ATL1: variants seen among roughly 807,000 people sequenced by gnomAD.
The protein encoded by ATL1 is atlastin GTPase 1, also known as atlastin-1.
In ATL1, 31 loss-of-function variants were observed where a neutral mutation model predicts 75.5. The observed-to-expected ratio is 0.41, with a 90% CI of 0.31 to 0.55. ATL1 has a LOEUF of 0.55. Ranked by LOEUF, ATL1 falls within the 20% of genes least tolerant of loss-of-function variation. ATL1 has a pLI of 0.27. For synonymous variants in ATL1, 226 were observed against 233.3 expected (o/e 0.97, Z 0.28); for missense variants, 405 against 662.6 (o/e 0.61, Z 4.27).
chr14:50,572,171 G>A (rs2038960709), intron 1 of ATL1: 2 of 316,648 alleles, frequency 6.3e-6, no homozygotes, highest in Non-Finnish European at 1.2e-5. Context: ...ACAGATCACT[G>A]AATTTCCTTT....
At chr14:50,631,077 G>A (rs2039575314) in intron 13 of ATL1, 2 of 348,880 alleles carry the variant, frequency 5.7e-6, no homozygotes, top group African/African-American at 2.2e-5. Flanking sequence ...TGGCTAACAT[G>A]GTGAGGCCCC....
At chr14:50,553,270 C>CA (rs35423067) in intron 1 of ATL1, among the ~76,000 whole-genome samples, 28,081 of 102,910 alleles carry the variant, frequency 0.27, 3,356 homozygotes, top group Middle Eastern at 0.37. Context: ...GACTCCGTTT[C>CA]AAAAAAAAAA....
intron 6 of ATL1, among the ~76,000 whole-genome samples, chr14:50,600,073 C>T (rs574606039): frequency 7.3e-5 from 11 of 150,890 alleles, no homozygotes; most frequent in African/African-American, 2.4e-4. Flanking sequence ...TAACTTGTTA[C>T]TCAGAACCAC....
At chr14:50,558,520 A>AT (rs1212324623), upstream of ATL1, among the ~76,000 whole-genome samples, 16 of 152,314 alleles carry the variant, frequency 1.1e-4, no homozygotes, top group East Asian at 1.9e-3. Flanking sequence ...TTATTTAAGC[A>AT]TTTTTTTGTG....
At chr14:50,604,877 T>C (rs1039311854) in intron 6 of ATL1, among the ~76,000 whole-genome samples, 11 of 152,032 alleles carry the variant, frequency 7.2e-5, no homozygotes, top group Non-Finnish European at 1.5e-4. Flanking sequence ...GTGATTGTAC[T>C]GTATATGGTA....
chr14:50,589,159 T>C (rs894147266), intron 2 of ATL1, among the ~76,000 whole-genome samples: 117 of 147,242 alleles, frequency 7.9e-4, no homozygotes, highest in Non-Finnish European at 1.3e-3. Flanking sequence ...TTCTTTCTTT[T>C]TTTTTTTTTT....
chr14:50,618,826 T>C (rs934562633), intron 8 of ATL1, among the ~76,000 whole-genome samples: 2 of 151,842 alleles, frequency 1.3e-5, no homozygotes, highest in Non-Finnish European at 2.9e-5. Flanking sequence ...CTTTTTTACA[T>C]AGTATGTGTA....
intron 1 of ATL1, among the ~76,000 whole-genome samples, chr14:50,579,781 T>C (rs1205033108): frequency 6.6e-6 from 1 of 152,202 alleles, no homozygotes; most frequent in Admixed American, 6.5e-5. Context: ...TGGCTCCACA[T>C]TCAGTAAATC....
chr14:50,571,598 C>A lies in ATL1; in HGVS notation c.34+11299C>A, dbSNP rs531145189. Among the ~76,000 whole-genome samples, 210 of 152,110 alleles carry A rather than the reference C, an allele frequency of 1.4e-3. 2 individuals carry two copies. The highest frequency in any genetic ancestry group is 2.0e-3 in the Non-Finnish European group (136 of 67,982). Reference sequence around the variant, plus strand: ...TCATTCAAATAATTATATGGTTTTTCTTTTCTAGTTTGTTAATACGTTTAA... The same window carrying A: ...TCATTCAAATAATTATATGGTTTTTATTTTCTAGTTTGTTAATACGTTTAA... On this transcript the variant is annotated intron_variant, in intron 1 of 13. Transcript: ENST00000358385.
chr14:50,592,522 G>T (rs1178674943), intron 4 of ATL1, among the ~76,000 whole-genome samples: 1 of 138,906 alleles, frequency 7.2e-6, no homozygotes, highest in East Asian at 2.3e-4. Context: ...ATTAAATAAA[G>T]GACTTTAAAG....
intron 6 of ATL1, among the ~76,000 whole-genome samples, chr14:50,602,595 G>A (rs973769096): frequency 6.6e-6 from 1 of 151,794 alleles, no homozygotes; most frequent in Non-Finnish European, 1.5e-5. Flanking sequence ...CGACATGGTG[G>A]GTCTGTTTCT....
chr14:50,553,461 G>C (rs905015081), intron 1 of ATL1, among the ~76,000 whole-genome samples: 1 of 152,008 alleles, frequency 6.6e-6, no homozygotes, highest in Non-Finnish European at 1.5e-5. Context: ...ATAGATGTTG[G>C]CATGGATGTG....
chr14:50,627,891 A>G (rs761879909), intron 11 of ATL1, 140 bp from the exon 12 acceptor site: 1 of 769,446 alleles, frequency 1.3e-6, no homozygotes, highest in African/African-American at 1.7e-5. Context: ...GGGTGGAAAG[A>G]TGTGGGCTGA....
At chr14:50,541,668 G>C (rs1033108117) in intron 1 of ATL1, among the ~76,000 whole-genome samples, 1 of 152,104 alleles carries the variant, frequency 6.6e-6, no homozygotes, top group Non-Finnish European at 1.5e-5. Flanking sequence ...AAACTGTATG[G>C]AGTCTCTTGC....
In ATL1 at chr14:50,588,046, A is replaced by G; in HGVS notation, c.250A>G (p.Met84Val). 1 of 1,614,196 alleles carries G rather than the reference A, an allele frequency of 6.2e-7. No homozygotes were observed. The highest frequency in any genetic ancestry group is 1.3e-5 in the African/African-American group (1 of 75,046). The change falls in exon 2 of 14, where the codon ATG becomes GTG. Residue 84 changes from methionine (M) to valine (V), a missense_variant. Coordinates refer to ENST00000358385, the MANE Select transcript of ATL1 (RefSeq NM_015915.5). ...GAFRKGKSFL[M>V]DFMLRYMYNQ... The stretch of plus-strand genomic sequence containing the variant: ...ATTTAGAAAAGGAAAATCATTCCTG[A>G]TGGACTTCATGTTGAGATACATGTA...
intron 1 of ATL1, among the ~76,000 whole-genome samples, chr14:50,552,284 A>G (rs961930047): frequency 6.6e-6 from 1 of 152,208 alleles, no homozygotes; most frequent in Non-Finnish European, 1.5e-5. Context: ...AATTAATTAA[A>G]TAAAATACTT....
intron 12 of ATL1, 40 bp downstream of exon 12, chr14:50,628,502 T>A: frequency 6.3e-7 from 1 of 1,590,768 alleles, no homozygotes; most frequent in Non-Finnish European, 8.6e-7. Context: ...TCAGCACACA[T>A]TTGAATGTCA....
rs606231265 is a variant in ATL1 at position 50,591,011 on chromosome 14, G to A, written c.353G>A (p.Arg118Gln). ...TGFSWRGGSE[R>Q]ETTGIQIWSE... ...TTTTCATGGAGAGGTGGATCTGAGC[G>A]AGAGACCACAGGAATTCAGATATGG... Residue 118 changes from arginine to glutamine, a missense_variant, in exon 3 of 14, where the codon CGA becomes CAA. This residue lies in a region of ATL1 where 126 missense variants were observed against 172.0 expected (regional missense o/e 0.73). Coordinates refer to ENST00000358385, the MANE Select transcript of ATL1 (RefSeq NM_015915.5). The A allele has an allele frequency of 2.5e-6, 4 of 1,613,550 alleles. No individual in the cohort carries two copies. The highest frequency in any genetic ancestry group is 1.1e-5 in the South Asian group (1 of 91,056).
chr14:50,595,517 G>T, intron 5 of ATL1, 59 bp from the exon 6 acceptor site: 1 of 1,465,766 alleles, frequency 6.8e-7, no homozygotes, highest in East Asian at 2.4e-5. Context: ...AGGTGCTAAA[G>T]TTCTCTCTCT....
Sources: gnomAD v4.1 joint callset for allele counts (sites outside exome capture counted in the v4.1 genomes callset) on GRCh38, gnomAD v4.1.1 for gene constraint, gnomAD v4.1.1 regional missense constraint, MANE v1.5 for transcripts, NCBI Gene and HGNC (gene_info 2026-07-23, HGNC 2026-07-21) for gene names.